SLC29A4: variants seen among roughly 807,000 people sequenced by gnomAD.
SLC29A4 encodes solute carrier family 29 member 4, also known as equilibrative nucleoside transporter 4.
In SLC29A4, 36 loss-of-function variants were observed where a neutral mutation model predicts 43.9. The ratio of observed to expected loss-of-function variants is 0.82; its 90% CI spans 0.63 to 1.08. The LOEUF (loss-of-function observed/expected upper bound fraction) is 1.08, where lower values mean the gene tolerates loss of function less well. SLC29A4 is among the 50% of genes least tolerant of loss of function. The probability of loss-of-function intolerance (pLI) is 0.00; values close to 1 mark genes in which losing one functional copy is unlikely to be tolerated. For missense variants in SLC29A4, 869 were observed against 755.3 expected (o/e 1.15, Z -1.77); for synonymous variants, 491 against 338.0 (o/e 1.45, Z -4.97).
chr7:5,284,481 C>A (rs1482868889), intron 1 of SLC29A4, among the ~76,000 whole-genome samples: 1 of 152,210 alleles, frequency 6.6e-6, no homozygotes, highest in African/African-American at 2.4e-5. Context: ...TCTCAAGGGC[C>A]CCCTGGGTCA....
rs199920342 is a variant in SLC29A4, at chr7:5,290,737, G to C, written c.175G>C (p.Asp59His). The C allele has an allele frequency of 5.0e-6, 8 of 1,610,122 alleles. No homozygotes were observed. Among genetic ancestry groups the C allele is most frequent in the Non-Finnish European group, 5.9e-6 (7 of 1,177,226 alleles). Residue 59 changes from aspartate to histidine, a missense_variant, in exon 3 of 11, where the codon GAC becomes CAC. Coordinates refer to ENST00000396872, the MANE Select transcript of SLC29A4 (RefSeq NM_153247.4). ...CCTGGTGTCTCTGGCTTTAGCATTG[G>C]ACGAGCCAGTGCCCGATGACCGTTA... ...GVPAFTDTTL[D>H]EPVPDDRYHA... is the part of the protein sequence containing the mutation.
intron 5 of SLC29A4, among the ~76,000 whole-genome samples, chr7:5,294,164 C>G (rs1051133231): frequency 9.3e-4 from 141 of 152,168 alleles, no homozygotes; most frequent in African/African-American, 3.1e-3. Flanking sequence ...TGGTCTTGAA[C>G]TCCTAGACTC....
chr7:5,298,676 TG>T (rs1453633383), intron 7 of SLC29A4, among the ~76,000 whole-genome samples: 1 of 152,132 alleles, frequency 6.6e-6, no homozygotes, highest in South Asian at 2.1e-4. Context: ...GGCGCATGGC[TG>T]TAGTCCCTGT....
chr7:5,287,996 G>A lies in SLC29A4; in HGVS notation c.169+11G>A, dbSNP rs369074291. The stretch of plus-strand genomic sequence containing the variant: ...CTTTCACGGATACTAGTAAGTAGGC[G>A]TGCGGGCAAGGTGCGGGTCTTGCCC... On this transcript the variant is annotated intron_variant, in intron 2 of 10. Coordinates refer to ENST00000396872, the MANE Select transcript of SLC29A4 (RefSeq NM_153247.4). The A allele has an allele frequency of 4.2e-5, 67 of 1,603,412 alleles. No homozygotes were observed. Among genetic ancestry groups the A allele is most frequent in the East Asian group, 6.7e-5 (3 of 44,708 alleles).
rs1232163730 is a variant in SLC29A4 at position 5,299,148 on chromosome 7, C to T, written c.1021+22C>T. Reference sequence around the variant, plus strand: ...AGAGGTGAGTGCGGGGAGTCCTCTGCTGCCCTGGCTCTGGCACCCAGGCAG... The same window carrying T: ...AGAGGTGAGTGCGGGGAGTCCTCTGTTGCCCTGGCTCTGGCACCCAGGCAG... On this transcript the variant is annotated intron_variant, in intron 8 of 10. Transcript: ENST00000396872. 3.7e-6 allele frequency: 6 copies of T among 1,602,640 alleles called. No homozygotes were observed. The South Asian group carries it at 5.5e-5, about 15-fold the overall frequency.
chr7:5,293,052 A>G (rs188610721), intron 5 of SLC29A4, among the ~76,000 whole-genome samples: 215 of 149,158 alleles, frequency 1.4e-3, no homozygotes, highest in African/African-American at 5.2e-3. Flanking sequence ...TCCTCTCTAG[A>G]TTCATACCTT....
chr7:5,296,868 TGGGGCGGGAC>T, intron 6 of SLC29A4, 58 bp from the exon 7 acceptor site: 1 of 1,185,740 alleles, frequency 8.4e-7, no homozygotes, highest in South Asian at 1.5e-5. Flanking sequence ...TGGACGGGGC[TGGGGCGGGAC>T]GGGGCGGTGC....
chr7:5,290,494 C>G (rs1297834002), intron 2 of SLC29A4, among the ~76,000 whole-genome samples: 1 of 152,208 alleles, frequency 6.6e-6, no homozygotes, highest in African/African-American at 2.4e-5. Flanking sequence ...GGTTTCCTGT[C>G]CATCAAGCTG....
chr7:5,283,633 C>A (rs1233965914), intron 1 of SLC29A4, among the ~76,000 whole-genome samples: 1 of 152,148 alleles, frequency 6.6e-6, no homozygotes, highest in Admixed American at 6.5e-5. Context: ...CCCCTGCATG[C>A]ATCGGTCCCC....
chr7:5,299,177 G>T (rs1554263394), intron 8 of SLC29A4, 51 bp downstream of exon 8: 1 of 1,599,210 alleles, frequency 6.3e-7, no homozygotes, highest in African/African-American at 1.3e-5. Flanking sequence ...CAGGCAGGGG[G>T]TGGGGGAGGC....
chr7:5,292,965 C>G (rs1306428271), intron 5 of SLC29A4, among the ~76,000 whole-genome samples: 1 of 151,362 alleles, frequency 6.6e-6, no homozygotes, highest in African/African-American at 2.4e-5. Context: ...TCCCAAAGTG[C>G]TGGTATTACA....
At chr7:5,293,865 G>T (rs1785471814) in intron 5 of SLC29A4, among the ~76,000 whole-genome samples, 2 of 152,120 alleles carry the variant, frequency 1.3e-5, no homozygotes, top group African/African-American at 4.8e-5. Context: ...CCAGCATTTT[G>T]GGAGGCTGAG....
At chr7:5,286,917 T>A (rs1487564286) in intron 1 of SLC29A4, among the ~76,000 whole-genome samples, 4 of 152,198 alleles carry the variant, frequency 2.6e-5, no homozygotes, top group Non-Finnish European at 5.9e-5. Context: ...CGCGTGAGGC[T>A]CACTCATGTC....
intron 1 of SLC29A4, among the ~76,000 whole-genome samples, chr7:5,285,819 A>C (rs1784909066): frequency 6.6e-6 from 1 of 152,080 alleles, no homozygotes; most frequent in South Asian, 2.1e-4. Flanking sequence ...CAAGACCACT[A>C]TGGGCAACAC....
At chr7:5,288,421 C>T (rs1785100792) in intron 2 of SLC29A4, among the ~76,000 whole-genome samples, 1 of 151,182 alleles carries the variant, frequency 6.6e-6, no homozygotes, top group South Asian at 2.1e-4. Context: ...TCTCCTGCCT[C>T]AGCCTCCCAA....
chr7:5,301,187 C>T (rs1048998132), intron 10 of SLC29A4, among the ~76,000 whole-genome samples: 1 of 151,724 alleles, frequency 6.6e-6, no homozygotes, highest in Non-Finnish European at 1.5e-5. Flanking sequence ...TCACTTGAGC[C>T]CAGGAGTTGG....
In SLC29A4 at chr7:5,297,181, G is replaced by T. The variant is rs755895613; in HGVS notation, c.865G>T (p.Ala289Ser). The T allele has an allele frequency of 3.8e-6, 6 of 1,591,986 alleles. No individual in the cohort carries two copies. Among genetic ancestry groups the T allele is most frequent in the Non-Finnish European group, 4.3e-6 (5 of 1,174,522 alleles). Residue 289 changes from alanine (A) to serine (S), a missense_variant, in exon 7 of 11, where the codon GCC (alanine) becomes TCC (serine). Coordinates refer to ENST00000396872, the MANE Select transcript of SLC29A4 (RefSeq NM_153247.4). The part of the protein sequence containing the change: ...YGYRVHHDVV[A>S]GDVHFEHPAP... The stretch of plus-strand genomic sequence containing the variant: ...CTACCGCGTGCACCACGACGTTGTC[G>T]CCGGGGACGTCCACTTCGTAAGTGC...
chr7:5,301,923 T>C (rs1786194613), intron 10 of SLC29A4, among the ~76,000 whole-genome samples: 1 of 152,094 alleles, frequency 6.6e-6, no homozygotes. Flanking sequence ...TTGTTCCTGA[T>C]AGGGAGGAAG....
At chr7:5,294,074 C>A (rs1785484147) in intron 5 of SLC29A4, among the ~76,000 whole-genome samples, 1 of 151,804 alleles carries the variant, frequency 6.6e-6, no homozygotes, top group Non-Finnish European at 1.5e-5. Context: ...CCACTGCACT[C>A]CAGCCCAGAC....
Sources: gnomAD v4.1 joint callset for allele counts (sites outside exome capture counted in the v4.1 genomes callset) on GRCh38, gnomAD v4.1.1 for gene constraint, MANE v1.5 for transcripts, NCBI Gene and HGNC (gene_info 2026-07-23, HGNC 2026-07-21) for gene names.